The following ST6GALNAC3 variants were observed in gnomAD, a reference collection of about 807,000 sequenced individuals.
The protein encoded by ST6GALNAC3 is alpha-N-acetylgalactosaminide alpha-2,6-sialyltransferase 3.
Under a neutral mutation model 32.7 loss-of-function variants are expected in ST6GALNAC3, and 25 were observed. The ratio of observed to expected loss-of-function variants is 0.76; its 90% CI spans 0.56 to 1.07. The LOEUF is 1.07. Among genes scored for constraint, ST6GALNAC3 ranks in the 50% least tolerant of loss-of-function variants. ST6GALNAC3 has a pLI of 0.00. For synonymous variants in ST6GALNAC3, 129 were observed against 133.1 expected, an observed-to-expected ratio of 0.97 and a Z score of 0.21; for missense variants, 355 against 382.4, an observed-to-expected ratio of 0.93 and a Z score of 0.60.
intron 1 of ST6GALNAC3, among the ~76,000 whole-genome samples, chr1:76,180,034 T>C (rs1194941403): frequency 6.6e-6 from 1 of 152,228 alleles, no homozygotes; most frequent in Non-Finnish European, 1.5e-5. Context: ...GACATTCCAC[T>C]AATTTATTTT....
chr1:76,367,233 C>T (rs1454888794), intron 2 of ST6GALNAC3, among the ~76,000 whole-genome samples: 2 of 151,994 alleles, frequency 1.3e-5, no homozygotes, highest in Non-Finnish European at 2.9e-5. Context: ...TTAGTTTTTC[C>T]TTTTCATATA....
chr1:76,431,609 G>C (rs1334141102), intron 3 of ST6GALNAC3, among the ~76,000 whole-genome samples: 1 of 151,982 alleles, frequency 6.6e-6, no homozygotes. Flanking sequence ...CTTTCATGCT[G>C]GTTCTCCTCT....
At chr1:76,234,092 C>T (rs1476820092) in intron 1 of ST6GALNAC3, among the ~76,000 whole-genome samples, 1 of 152,150 alleles carries the variant, frequency 6.6e-6, no homozygotes, top group South Asian at 2.1e-4. Context: ...TGTGAGAGCT[C>T]TGACTTATAC....
chr1:76,078,131 G>T (rs549286863), intron 1 of ST6GALNAC3, among the ~76,000 whole-genome samples: 5 of 152,318 alleles, frequency 3.3e-5, no homozygotes, highest in Non-Finnish European at 5.9e-5. Flanking sequence ...GACGGAGCTC[G>T]TGTTTTAGAA....
chr1:76,408,632 C>G (rs1654001597), intron 2 of ST6GALNAC3, among the ~76,000 whole-genome samples: 1 of 151,986 alleles, frequency 6.6e-6, no homozygotes, highest in African/African-American at 2.4e-5. Flanking sequence ...CAAGTGAGAC[C>G]AGTGTGCTGG....
At chr1:76,448,606 T>C (rs1453534854) in intron 3 of ST6GALNAC3, among the ~76,000 whole-genome samples, 1 of 152,094 alleles carries the variant, frequency 6.6e-6, no homozygotes, top group African/African-American at 2.4e-5. Flanking sequence ...TGGGTGCAGG[T>C]CTTTCCCTGT....
At chr1:76,459,759 C>T (rs1571303145) in intron 3 of ST6GALNAC3, among the ~76,000 whole-genome samples, 1 of 152,054 alleles carries the variant, frequency 6.6e-6, no homozygotes, top group Non-Finnish European at 1.5e-5. Context: ...GACTTTGAGT[C>T]TAGATTCTTT....
At chr1:76,470,597 A>C (rs1430585116) in intron 3 of ST6GALNAC3, among the ~76,000 whole-genome samples, 1 of 152,008 alleles carries the variant, frequency 6.6e-6, no homozygotes, top group Non-Finnish European at 1.5e-5. Context: ...CTGTTGAAAA[A>C]ACCTTTTCAA....
chr1:76,119,328 C>T (rs1462209094), intron 1 of ST6GALNAC3, among the ~76,000 whole-genome samples: 1 of 152,162 alleles, frequency 6.6e-6, no homozygotes, highest in Non-Finnish European at 1.5e-5. Context: ...TGGAATTCCT[C>T]GTGAATAATT....
intron 1 of ST6GALNAC3, among the ~76,000 whole-genome samples, chr1:76,128,571 C>T (rs1649404296): frequency 6.6e-6 from 1 of 152,220 alleles, no homozygotes; most frequent in Admixed American, 6.5e-5. Flanking sequence ...CCCGACAGCA[C>T]ATCCCCAGAC....
intron 3 of ST6GALNAC3, among the ~76,000 whole-genome samples, chr1:76,414,898 T>C (rs1236924319): frequency 6.6e-6 from 1 of 152,036 alleles, no homozygotes. Flanking sequence ...AATTGTCTCA[T>C]TGATATATTT....
intron 3 of ST6GALNAC3, among the ~76,000 whole-genome samples, chr1:76,503,463 T>C (rs1446523994): frequency 6.6e-6 from 1 of 152,230 alleles, no homozygotes; most frequent in Non-Finnish European, 1.5e-5. Context: ...GCTGGGTTCA[T>C]TCCTGCTGAG....
At chr1:76,492,813 G>T (rs778130441) in intron 3 of ST6GALNAC3, among the ~76,000 whole-genome samples, 2 of 152,140 alleles carry the variant, frequency 1.3e-5, no homozygotes, top group Non-Finnish European at 2.9e-5. Flanking sequence ...AAGTTTTGGG[G>T]TCCCACAGAT....
At chr1:76,418,497 A>G (rs1654801509) in intron 3 of ST6GALNAC3, among the ~76,000 whole-genome samples, 2 of 152,162 alleles carry the variant, frequency 1.3e-5, no homozygotes, top group African/African-American at 4.8e-5. Context: ...CCTAGATTCC[A>G]CAAACAAAGA....
intron 2 of ST6GALNAC3, among the ~76,000 whole-genome samples, chr1:76,380,892 G>A (rs1197982831): frequency 6.6e-6 from 1 of 152,134 alleles, no homozygotes; most frequent in Non-Finnish European, 1.5e-5. Context: ...GGTAATGAAT[G>A]TTTCCCAAAT....
chr1:76,396,283 G>A (rs1652951227), intron 2 of ST6GALNAC3, among the ~76,000 whole-genome samples: 1 of 152,056 alleles, frequency 6.6e-6, no homozygotes, highest in Non-Finnish European at 1.5e-5. Flanking sequence ...TGGGCAACAT[G>A]GCAAAACCTT....
intron 2 of ST6GALNAC3, among the ~76,000 whole-genome samples, chr1:76,350,356 A>G (rs1648873882): frequency 6.6e-6 from 1 of 152,190 alleles, no homozygotes; most frequent in African/African-American, 2.4e-5. Context: ...CAAGTTTTAA[A>G]TAGGTAAACT....
At chr1:76,217,435 T>C (rs1655526708) in intron 1 of ST6GALNAC3, among the ~76,000 whole-genome samples, 1 of 152,248 alleles carries the variant, frequency 6.6e-6, no homozygotes, top group East Asian at 1.9e-4. Flanking sequence ...CTGAATATTT[T>C]AGTCTCAGCA....
chr1:76,356,954 G>T (rs1201453460), intron 2 of ST6GALNAC3, among the ~76,000 whole-genome samples: 2 of 151,898 alleles, frequency 1.3e-5, no homozygotes, highest in Non-Finnish European at 2.9e-5. Flanking sequence ...TCCACAATAG[G>T]TAACCCAAGG....
Sources: gnomAD v4.1 joint callset for allele counts (sites outside exome capture counted in the v4.1 genomes callset) on GRCh38, gnomAD v4.1.1 for gene constraint, MANE v1.5 for transcripts, NCBI Gene and HGNC (gene_info 2026-07-23, HGNC 2026-07-21) for gene names.